Variants in TBCD observed in about 807,000 individuals in gnomAD.
The protein encoded by TBCD is tubulin folding cofactor D, also known as tubulin-specific chaperone D.
A neutral mutation model predicts 169.3 loss-of-function variants in TBCD; 105 were observed. The ratio of observed to expected loss-of-function variants is 0.62; its 90% CI spans 0.53 to 0.73. TBCD has a LOEUF of 0.73. Among genes scored for constraint, TBCD ranks in the 30% least tolerant of loss-of-function variants. The pLI, the probability that TBCD is intolerant of heterozygous loss-of-function variation, is 0.00. For missense variants in TBCD, 1,444 were observed against 1,600.1 expected (o/e 0.90, Z 1.66); for synonymous variants, 700 against 643.9 (o/e 1.09, Z -1.32).
chr17:82,769,049 A>G (rs1041439610), intron 5 of TBCD, among the ~76,000 whole-genome samples: 4 of 152,190 alleles, frequency 2.6e-5, no homozygotes, highest in African/African-American at 7.2e-5. Flanking sequence ...TGTATTAGTT[A>G]TCTATTGGAT....
chr17:82,752,091 G>A lies in TBCD; in HGVS notation c.-103G>A, dbSNP rs1568079268. The A allele has an allele frequency of 2.3e-6, 3 of 1,279,078 alleles. No homozygotes were observed. Among genetic ancestry groups the A allele is most frequent in the Non-Finnish European group, 3.0e-6 (3 of 985,794 alleles). 79.2% of individuals were successfully genotyped at this position (1,279,078 alleles called of 1,614,324 possible). The stretch of plus-strand genomic sequence containing the variant: ...CCAGCGTCGGTTGCCGCCTTAGCGG[G>A]CGCCTCCTTTTCATCCCTCATCCTT... On this transcript the variant is annotated 5_prime_UTR_variant, in exon 1 of 39. Transcript: ENST00000355528.
At chr17:82,900,578 C>T (rs1441307092) in intron 17 of TBCD, 73 bp from the exon 18 acceptor site, 16 of 1,211,870 alleles carry the variant, frequency 1.3e-5, no homozygotes, top group Non-Finnish European at 2.4e-6. Flanking sequence ...AGTAACTGTG[C>T]TGAATTCCCA....
chr17:82,930,707 A>G lies in TBCD; in HGVS notation c.3113+64A>G. The G allele has an allele frequency of 1.2e-6, 2 of 1,607,986 alleles. No homozygotes were observed. The highest frequency in any genetic ancestry group is 1.7e-6 in the Non-Finnish European group (2 of 1,176,756). ...TGCTGGTGCCTCTCACCACGTTCCC[A>G]CAGATTCCCGGGGTCTCGCAGGGTC... On this transcript the variant is annotated intron_variant, in intron 33 of 38. Transcript: ENST00000355528. The surrounding 1 kb of genome is among the most constrained non-coding windows in gnomAD (Gnocchi z 5.2).
chr17:82,840,803 G>A (rs930209707), intron 13 of TBCD, among the ~76,000 whole-genome samples: 36 of 152,282 alleles, frequency 2.4e-4, no homozygotes, highest in Admixed American at 1.0e-3. Flanking sequence ...CCGCACCCCA[G>A]TTGTAGCGAA....
rs77210389 is a variant in TBCD at position 82,806,896 on chromosome 17, G to A, written c.1088-712G>A. 0.02 allele frequency among the ~76,000 whole-genome samples: 3,073 copies of A among 152,236 alleles called. 121 individuals carry two copies. Among genetic ancestry groups the A allele is most frequent in the African/African-American group, 0.07 (2,914 of 41,522 alleles). On this transcript the variant is annotated intron_variant, in intron 10 of 38. Coordinates refer to ENST00000355528, the MANE Select transcript of TBCD (RefSeq NM_005993.5). The surrounding 1 kb of genome is among the most constrained non-coding windows in gnomAD (Gnocchi z 5.1). ...TCTGTGCTGGGCGGCTCTGAGTCCC[G>A]GGCGGGGCCCTGGGTCTGCCCCTTC... is the stretch of plus-strand genomic sequence containing the variant.
intron 9 of TBCD, among the ~76,000 whole-genome samples, chr17:82,801,832 G>GCAT (rs1410567654): frequency 2.8e-5 from 4 of 144,092 alleles, no homozygotes; most frequent in African/African-American, 7.8e-5. Flanking sequence ...GGCGGCGTGT[G>GCAT]CGTCGTGTGG....
chr17:82,925,403 G>A (rs142156415), intron 27 of TBCD, among the ~76,000 whole-genome samples: 12 of 152,318 alleles, frequency 7.9e-5, no homozygotes, highest in Non-Finnish European at 1.5e-4. Context: ...GGTTGCGGCC[G>A]TGCATCCTGC....
At chr17:82,772,544 G>C (rs756341127) in intron 6 of TBCD, 37 bp downstream of exon 6, 1 of 1,611,548 alleles carries the variant, frequency 6.2e-7, no homozygotes, top group Non-Finnish European at 8.5e-7. Flanking sequence ...TGTGTGGCTG[G>C]TGGGTTCTGA....
rs1214698087 is a variant in TBCD at position 82,920,767 on chromosome 17, C to A, written c.2101+149C>A. 7.7e-6 allele frequency: 6 copies of A among 783,832 alleles called. No individual in the cohort carries two copies. Among genetic ancestry groups the A allele is most frequent in the South Asian group, 1.8e-5 (1 of 55,656 alleles). 48.6% of individuals were successfully genotyped at this position (783,832 alleles called of 1,614,324 possible). A position where few individuals can be genotyped will look rare whatever the true frequency, so the allele number is the denominator to read the frequency against. On this transcript the variant is annotated intron_variant, in intron 24 of 38. Coordinates refer to ENST00000355528, the MANE Select transcript of TBCD (RefSeq NM_005993.5). The surrounding 1 kb of genome is among the most constrained non-coding windows in gnomAD (Gnocchi z 4.1). ...CGGATACGTTGCCTTGAAGTTGTTA[C>A]AAGAACCTGCTTAAATAATGGGTAC... is the stretch of plus-strand genomic sequence containing the variant.
chr17:82,855,375 C>T (rs974710001), intron 13 of TBCD, among the ~76,000 whole-genome samples: 3 of 150,970 alleles, frequency 2.0e-5, no homozygotes, highest in Non-Finnish European at 4.4e-5. Flanking sequence ...AGCGATCCTT[C>T]CACCTCAGCC....
Position 82,806,028 on chromosome 17 carries a change from C to T in TBCD, c.1087+17C>T, listed in dbSNP as rs367613537. ...GTGTGATAGGTGCGTGGGGTCTAAGCGGCGGCCTCTGCTCTTGGGCACCGT... is the reference window on the plus strand; with the variant it reads ...GTGTGATAGGTGCGTGGGGTCTAAGTGGCGGCCTCTGCTCTTGGGCACCGT... On this transcript the variant is annotated intron_variant, in intron 10 of 38. Coordinates refer to ENST00000355528, the MANE Select transcript of TBCD (RefSeq NM_005993.5). The surrounding 1 kb of genome is among the most constrained non-coding windows in gnomAD (Gnocchi z 5.1). 2.3e-5 allele frequency: 37 copies of T among 1,607,118 alleles called. No individual in the cohort carries two copies. Among genetic ancestry groups the T allele is most frequent in the African/African-American group, 9.4e-5 (7 of 74,846 alleles).
chr17:82,754,291 C>T (rs1265467424), intron 1 of TBCD, among the ~76,000 whole-genome samples: 1 of 152,152 alleles, frequency 6.6e-6, no homozygotes, highest in Non-Finnish European at 1.5e-5. Flanking sequence ...GGAAATGATC[C>T]TCCGTGATGT....
intron 23 of TBCD, among the ~76,000 whole-genome samples, chr17:82,919,940 G>A (rs1364955163): frequency 1.3e-5 from 2 of 152,230 alleles, no homozygotes; most frequent in Non-Finnish European, 2.9e-5. Context: ...CCATGAACAA[G>A]TGTGCAGCAG....
In TBCD at chr17:82,833,384, G is replaced by A. The variant is rs1478684062; in HGVS notation, c.1318+18450G>A. Reference sequence around the variant, plus strand: ...AGCCACGTCGTTGGTGTATTCTAGTGTGCTTGTTTAAAAATGAAGAACATT... The same window carrying A: ...AGCCACGTCGTTGGTGTATTCTAGTATGCTTGTTTAAAAATGAAGAACATT... On this transcript the variant is annotated intron_variant, in intron 13 of 38. Coordinates refer to ENST00000355528, the MANE Select transcript of TBCD (RefSeq NM_005993.5). This position sits in a 1 kb window ranked among gnomAD's most constrained non-coding sequence, Gnocchi z 4.7. Among the ~76,000 whole-genome samples the A allele has an allele frequency of 2.6e-5, 4 of 152,134 alleles. No individual in the cohort carries two copies. The highest frequency in any genetic ancestry group is 4.8e-5 in the African/African-American group (2 of 41,430).
intron 7 of TBCD, 56 bp downstream of exon 7, chr17:82,781,777 G>C (rs1268262452): frequency 1.9e-6 from 3 of 1,592,988 alleles, no homozygotes; most frequent in Non-Finnish European, 2.6e-6. Context: ...CCTTACATGG[G>C]GACCACGGAA....
rs770137069 is a variant in TBCD, at chr17:82,903,412, C to T, written c.1738C>T (p.Arg580Ter). ...MKISHWDGVI[R>*]ELAARALHNL... Reference sequence around the variant, plus strand: ...TTCTCTCCTCACTCTCAGGGTCATCCGAGAGTTGGCTGCGAGGGCGCTGCA... The same window carrying T: ...TTCTCTCCTCACTCTCAGGGTCATCTGAGAGTTGGCTGCGAGGGCGCTGCA... The change falls in exon 19 of 39, where the codon CGA becomes TGA. Residue 580 changes from arginine to a stop codon, truncating the protein, a stop_gained. Transcript: ENST00000355528. LOFTEE classifies it high-confidence loss of function. This position sits in a 1 kb window ranked among gnomAD's most constrained non-coding sequence, Gnocchi z 4.8. The T allele has an allele frequency of 4.4e-6, 7 of 1,601,862 alleles. No individual in the cohort carries two copies. The highest frequency in any genetic ancestry group is 1.3e-5 in the African/African-American group (1 of 74,782).
intron 37 of TBCD, among the ~76,000 whole-genome samples, chr17:82,939,989 G>T (rs2062974939): frequency 6.6e-6 from 1 of 152,242 alleles, no homozygotes; most frequent in South Asian, 2.1e-4. Context: ...GGCAGGCACA[G>T]TTTCTGCAAC....
intron 34 of TBCD, 113 bp downstream of exon 34, chr17:82,932,848 C>A (rs193286980): frequency 3.8e-6 from 4 of 1,044,428 alleles, no homozygotes; most frequent in African/African-American, 3.2e-5. Context: ...TCTTCCAGTG[C>A]GTTCTGGGTC....
intron 7 of TBCD, among the ~76,000 whole-genome samples, chr17:82,783,186 C>T (rs112683228): frequency 2.6e-5 from 4 of 152,216 alleles, no homozygotes; most frequent in African/African-American, 9.6e-5. Context: ...TGCTGCTTCC[C>T]GGTCATGCTG....
Sources: gnomAD v4.1 joint callset for allele counts (sites outside exome capture counted in the v4.1 genomes callset) on GRCh38, gnomAD v4.1.1 for gene constraint, Gnocchi (gnomAD v3.1) non-coding constraint, MANE v1.5 for transcripts, NCBI Gene and HGNC (gene_info 2026-07-23, HGNC 2026-07-21) for gene names.